Variants in TRPM1 observed in about 807,000 individuals in gnomAD.
TRPM1 encodes TRPM1-203 APA Isoform, Intron 10.
A neutral mutation model predicts 149.4 loss-of-function variants in TRPM1; 113 were observed. The ratio of observed to expected loss-of-function variants is 0.76; its 90% CI spans 0.65 to 0.88. TRPM1 has a LOEUF of 0.88. TRPM1 is among the 40% of genes least tolerant of loss of function. The pLI is 0.00. For synonymous variants in TRPM1, 741 were observed against 759.5 expected (o/e 0.98, Z 0.40); for missense variants, 1,976 against 2,038.7 (o/e 0.97, Z 0.59).
intron 1 of TRPM1, among the ~76,000 whole-genome samples, chr15:31,113,786 T>C (rs908422374): frequency 1.3e-5 from 2 of 152,114 alleles, no homozygotes; most frequent in African/African-American, 2.4e-5. Context: ...CTCTTAAAGG[T>C]GGCAAGGACC....
At chr15:31,033,117 C>T (rs764967737) in intron 21 of TRPM1, 177 bp from the exon 22 acceptor site, 67 of 796,108 alleles carry the variant, frequency 8.4e-5, no homozygotes, top group Non-Finnish European at 1.2e-4. Flanking sequence ...GGAAATTCCA[C>T]GGAATCCTCC....
In TRPM1 at chr15:31,067,974, T is replaced by A; in HGVS notation, c.398A>T (p.Glu133Val). The A allele has an allele frequency of 6.2e-7, 1 of 1,614,178 alleles. No individual in the cohort carries two copies. The highest frequency in any genetic ancestry group is 8.5e-7 in the Non-Finnish European group (1 of 1,180,030). ...GACTTGTTTCAGCTTGGGCTGCATC[T>A]CAAAGTTCTGGAGGCCTCCATGCAC... is the stretch of plus-strand genomic sequence containing the variant. ...ISVHGGLQNFEMQPKLKQVFG... is the reference protein window; with the variant it reads ...ISVHGGLQNFVMQPKLKQVFG... The change falls in exon 5 of 28, where the codon GAG (glutamate) becomes GTG (valine). Residue 133 changes from glutamate (E) to valine (V), a missense_variant. Around this residue, in one of 3 missense-constraint regions of TRPM1, gnomAD observed 1,332 missense variants for 1,347.1 expected, o/e 0.99. Transcript: ENST00000256552.
chr15:31,093,396 T>C (rs550098286), intron 1 of TRPM1, among the ~76,000 whole-genome samples: 89 of 152,126 alleles, frequency 5.9e-4, no homozygotes, highest in Middle Eastern at 3.4e-3. Context: ...TGTATTTCTG[T>C]ACAGCAAAAA....
intron 11 of TRPM1, among the ~76,000 whole-genome samples, chr15:31,054,651 TTTAA>T (rs530377465): frequency 1.1e-3 from 168 of 152,348 alleles, no homozygotes; most frequent in African/African-American, 3.9e-3. Context: ...AAGCTTTTAC[TTTAA>T]TTAATTATTT....
At chr15:31,049,622 C>G (rs902230591) in intron 12 of TRPM1, 113 bp from the exon 13 acceptor site, 2 of 1,192,700 alleles carry the variant, frequency 1.7e-6, no homozygotes, top group Non-Finnish European at 2.5e-6. Context: ...CCAGAGCACT[C>G]CAGCATGGTA....
intron 1 of TRPM1, among the ~76,000 whole-genome samples, chr15:31,146,663 C>G (rs1436215231): frequency 6.6e-6 from 1 of 152,174 alleles, no homozygotes; most frequent in Non-Finnish European, 1.5e-5. Context: ...GTCTCCCGGT[C>G]CCTGCATTAC....
intron 1 of TRPM1, among the ~76,000 whole-genome samples, chr15:31,109,605 C>T (rs962642895): frequency 2.7e-5 from 4 of 150,006 alleles, no homozygotes; most frequent in Non-Finnish European, 4.4e-5. Flanking sequence ...GAGGCTGAGG[C>T]AGGAGAATCT....
At chr15:31,150,500 G>T (rs1005137721) in intron 1 of TRPM1, among the ~76,000 whole-genome samples, 10 of 145,542 alleles carry the variant, frequency 6.9e-5, no homozygotes, top group Admixed American at 1.4e-4. Context: ...GCAGTAGTGC[G>T]ATCTCAGCTC....
intron 1 of TRPM1, among the ~76,000 whole-genome samples, chr15:31,109,799 G>A (rs2035660307): frequency 6.6e-6 from 1 of 152,068 alleles, no homozygotes; most frequent in Non-Finnish European, 1.5e-5. Context: ...GCACTTTAGA[G>A]TTGGAGATGA....
chr15:31,137,901 A>G (rs2036110593), intron 1 of TRPM1, among the ~76,000 whole-genome samples: 1 of 152,202 alleles, frequency 6.6e-6, no homozygotes, highest in South Asian at 2.1e-4. Flanking sequence ...TAAACCTAGA[A>G]AAAACCTACG....
At chr15:31,113,551 A>G (rs751221856) in intron 1 of TRPM1, among the ~76,000 whole-genome samples, 2 of 149,434 alleles carry the variant, frequency 1.3e-5, no homozygotes, top group African/African-American at 2.5e-5. Context: ...TACTCCTAAA[A>G]TGTTTTTTTT....
intron 3 of TRPM1, among the ~76,000 whole-genome samples, chr15:31,076,690 G>A (rs759919980): frequency 6.6e-5 from 10 of 152,106 alleles, no homozygotes; most frequent in African/African-American, 1.4e-4. Flanking sequence ...ATGAGAGTTC[G>A]CATTAGGGTG....
rs2032746546 is a variant in TRPM1, at chr15:31,026,264, G to T, written c.3504C>A (p.Phe1168Leu). Residue 1168 changes from phenylalanine (F) to leucine (L), a missense_variant, in exon 27 of 28, where the codon TTC becomes TTA. Transcript: ENST00000256552. ...GCCTCTTTAGCTCCTCGTCGCTAAG[G>T]AAGAGCTCTGTGTGAAGGGAGAAGT... ...QEERDRGLKL[F>L]LSDEELKRLH... 1 of 1,610,528 alleles carries T rather than the reference G, an allele frequency of 6.2e-7. No individual in the cohort carries two copies. Among genetic ancestry groups the T allele is most frequent in the South Asian group, 1.1e-5 (1 of 91,086 alleles).
chr15:31,123,916 T>C (rs2035911226), intron 1 of TRPM1, among the ~76,000 whole-genome samples: 1 of 151,550 alleles, frequency 6.6e-6, no homozygotes, highest in South Asian at 2.1e-4. Context: ...TTCATCATAA[T>C]TGCTAAAAAT....
intron 1 of TRPM1, among the ~76,000 whole-genome samples, chr15:31,132,034 T>C (rs762491023): frequency 5.3e-5 from 8 of 152,212 alleles, no homozygotes; most frequent in African/African-American, 7.2e-5. Flanking sequence ...CAGCCATTAA[T>C]CACATAAAAG....
At position 31,031,003 on chromosome 15, in the gene TRPM1, A is replaced by G. The variant is rs1313551461; in HGVS notation, c.3107T>C (p.Val1036Ala). The G allele has an allele frequency of 6.2e-7, 1 of 1,614,024 alleles. No individual in the cohort carries two copies. The highest frequency in any genetic ancestry group is 8.5e-7 in the Non-Finnish European group (1 of 1,179,988). Residue 1036 changes from valine to alanine, a missense_variant, in exon 23 of 28, where the codon GTG (valine) becomes GCG (alanine). By Grantham distance (64) the Val-to-Ala change is moderately conservative. Coordinates refer to ENST00000256552, the MANE Select transcript of TRPM1 (RefSeq NM_001252024.2). ...CTTACGGTCTATCTGGTCTGCAAAC[A>G]CCTCTCCATAGATCATCCAGTAGGG... ...YMPYWMIYGE[V>A]FADQIDLYAM...
chr15:31,105,539 CAG>C (rs1373886684), upstream of TRPM1, among the ~76,000 whole-genome samples: 1 of 152,050 alleles, frequency 6.6e-6, no homozygotes, highest in Non-Finnish European at 1.5e-5. Flanking sequence ...AATTTAGAAA[CAG>C]AGGGATTTTA....
intron 27 of TRPM1, among the ~76,000 whole-genome samples, chr15:31,021,775 A>G (rs2032560217): frequency 6.6e-6 from 1 of 152,096 alleles, no homozygotes; most frequent in African/African-American, 2.4e-5. Flanking sequence ...CTTAATCCAG[A>G]AAGTTTTGGG....
At chr15:31,037,911 A>G (rs575089658) in intron 19 of TRPM1, 69 bp from the exon 20 acceptor site, 1 of 1,612,796 alleles carries the variant, frequency 6.2e-7, no homozygotes. Context: ...TCCGGCACAC[A>G]GGCACCATTA....
Sources: gnomAD v4.1 joint callset for allele counts (sites outside exome capture counted in the v4.1 genomes callset) on GRCh38, gnomAD v4.1.1 for gene constraint, gnomAD v4.1.1 regional missense constraint, MANE v1.5 for transcripts, NCBI Gene and HGNC (gene_info 2026-07-23, HGNC 2026-07-21) for gene names.